DYNC1LI1: variants seen among roughly 807,000 people sequenced by gnomAD.
DYNC1LI1 encodes dynein cytoplasmic 1 light intermediate chain 1, also known as cytoplasmic dynein 1 light intermediate chain 1.
DYNC1LI1 carries 19 observed loss-of-function variants against 63.8 expected under a neutral mutation model. The ratio of observed to expected loss-of-function variants is 0.30; its 90% CI spans 0.21 to 0.44. The LOEUF (loss-of-function observed/expected upper bound fraction) is 0.44. Ranked by LOEUF, DYNC1LI1 falls within the 20% of genes least tolerant of loss-of-function variation. The probability of loss-of-function intolerance (pLI) is 1.00; values close to 1 mark genes in which losing one functional copy is unlikely to be tolerated. For missense variants in DYNC1LI1, 565 were observed against 630.2 expected, an observed-to-expected ratio of 0.90 and a Z score of 1.11; for synonymous variants, 225 against 232.3, an observed-to-expected ratio of 0.97 and a Z score of 0.28.
At chr3:32,540,410 T>C (rs1278993379) in intron 5 of DYNC1LI1, among the ~76,000 whole-genome samples, 1 of 151,910 alleles carries the variant, frequency 6.6e-6, no homozygotes. Context: ...CTGGGCACAG[T>C]GGCTCACACC....
intron 2 of DYNC1LI1, among the ~76,000 whole-genome samples, chr3:32,547,290 G>A (rs976306176): frequency 2.6e-5 from 4 of 152,014 alleles, no homozygotes; most frequent in Non-Finnish European, 5.9e-5. Flanking sequence ...GTTTTGGTGA[G>A]GGCTTTTTAA....
At position 32,528,112 on chromosome 3, in the gene DYNC1LI1, C is replaced by CAAAAAAAAAAAAAAAAAA. The variant is rs60912161; in HGVS notation, c.1462+316_1462+333dup. Reference sequence around the variant, plus strand: ...TGGGCAACAGAACAAGACTCCATCTCAAAAAAAAAAAAAAAAAAAAAAAAA... The same window carrying CAAAAAAAAAAAAAAAAAA: ...TGGGCAACAGAACAAGACTCCATCTCAAAAAAAAAAAAAAAAAAAAAAAAAAAAAAAAAAAAAAAAAAA... On this transcript the variant is annotated intron_variant, in intron 12 of 12. Transcript: ENST00000273130. Among the ~76,000 whole-genome samples, 17 of 29,898 alleles carry CAAAAAAAAAAAAAAAAAA rather than the reference C, an allele frequency of 5.7e-4. 3 individuals are homozygous for CAAAAAAAAAAAAAAAAAA. The highest frequency in any genetic ancestry group is 1.6e-3 in the South Asian group (1 of 630). 19.6% of individuals were successfully genotyped at this position (29,898 alleles called of 152,430 possible).
chr3:32,567,381 A>G (rs1698281321), intron 2 of DYNC1LI1, among the ~76,000 whole-genome samples: 1 of 152,036 alleles, frequency 6.6e-6, no homozygotes, highest in Non-Finnish European at 1.5e-5. Context: ...TACTCCCATC[A>G]GGTTGTAGGA....
chr3:32,570,630 G>A lies in DYNC1LI1; in HGVS notation c.141C>T (p.Asn47=). 2 of 1,577,428 alleles carry A rather than the reference G, an allele frequency of 1.3e-6. No homozygotes were observed. Among genetic ancestry groups the A allele is most frequent in the Non-Finnish European group, 1.7e-6 (2 of 1,161,918 alleles). ...AAAGDDEDGQ[N]LWSCILSEVS... is the part of the protein sequence containing the mutation. ...GGGAGAGGTGGAGTCGTTACCAAAGGTTCTGCCCGTCCTCGTCGTCGCCTG... is the reference window on the plus strand; with the variant it reads ...GGGAGAGGTGGAGTCGTTACCAAAGATTCTGCCCGTCCTCGTCGTCGCCTG... The change falls in exon 1 of 13, where the codon AAC becomes AAT. Residue 47 remains asparagine, a synonymous_variant. Transcript: ENST00000273130.
At chr3:32,562,935 C>G (rs62252804) in intron 2 of DYNC1LI1, among the ~76,000 whole-genome samples, 21,860 of 152,090 alleles carry the variant, frequency 0.14, 1,752 homozygotes, top group Middle Eastern at 0.22. Flanking sequence ...AGGCCCTTTT[C>G]ACAGGTTGTT....
intron 2 of DYNC1LI1, among the ~76,000 whole-genome samples, chr3:32,555,117 G>A (rs936774821): frequency 1.3e-5 from 2 of 152,072 alleles, no homozygotes; most frequent in Non-Finnish European, 2.9e-5. Flanking sequence ...TGATCTGCCC[G>A]CCTCAGCCTC....
intron 5 of DYNC1LI1, among the ~76,000 whole-genome samples, chr3:32,538,311 A>C (rs539974677): frequency 2.0e-5 from 3 of 150,848 alleles, no homozygotes; most frequent in African/African-American, 7.3e-5. Context: ...TGCCCATTTT[A>C]TCAAATACTG....
intron 2 of DYNC1LI1, among the ~76,000 whole-genome samples, chr3:32,556,655 C>T (rs1054204202): frequency 1.3e-5 from 2 of 152,174 alleles, no homozygotes; most frequent in African/African-American, 4.8e-5. Context: ...AGCAATCCCT[C>T]CACCTCAGCT....
chr3:32,537,174 T>A, intron 5 of DYNC1LI1, 70 bp from the exon 6 acceptor site: 1 of 848,084 alleles, frequency 1.2e-6, no homozygotes, highest in Middle Eastern at 3.6e-4. Flanking sequence ...ATTTAAACAG[T>A]TCAATTCTGG....
intron 2 of DYNC1LI1, among the ~76,000 whole-genome samples, chr3:32,552,153 A>G (rs1698051520): frequency 1.3e-5 from 2 of 152,142 alleles, no homozygotes; most frequent in African/African-American, 4.8e-5. Flanking sequence ...CCTAGAACAA[A>G]GTTCCTTCAG....
chr3:32,566,236 C>T (rs984839757), intron 2 of DYNC1LI1, among the ~76,000 whole-genome samples: 9 of 151,978 alleles, frequency 5.9e-5, no homozygotes, highest in South Asian at 2.1e-4. Context: ...TATGCCACTA[C>T]GCTCCAGCCT....
chr3:32,532,047 C>G (rs1181454517), intron 8 of DYNC1LI1: 1 of 152,136 alleles, frequency 6.6e-6, no homozygotes, highest in African/African-American at 2.4e-5. Context: ...TATGCAAATA[C>G]TCATTTTTAT....
At chr3:32,551,367 T>C (rs1698036156) in intron 2 of DYNC1LI1, among the ~76,000 whole-genome samples, 1 of 152,064 alleles carries the variant, frequency 6.6e-6, no homozygotes, top group Non-Finnish European at 1.5e-5. Flanking sequence ...AGCATCCTTC[T>C]AGGAAGGACA....
intron 4 of DYNC1LI1, among the ~76,000 whole-genome samples, chr3:32,541,747 G>A (rs1559437941): frequency 1.3e-5 from 2 of 152,080 alleles, no homozygotes; most frequent in Non-Finnish European, 2.9e-5. Context: ...TATTTGCAAG[G>A]TTGTCAAAAC....
At position 32,570,796 on chromosome 3, in the gene DYNC1LI1, G is replaced by C. The variant is rs750243277; in HGVS notation, c.-26C>G. The C allele has an allele frequency of 4.4e-6, 7 of 1,595,258 alleles. No homozygotes were observed. Among genetic ancestry groups the C allele is most frequent in the African/African-American group, 2.7e-5 (2 of 73,438 alleles). ...CTTGGTCGGGAATCACACCACTCCC[G>C]GCAAGACTAAATGTGCGAGGCGGCT... On this transcript the variant is annotated 5_prime_UTR_variant, in exon 1 of 13. Coordinates refer to ENST00000273130, the MANE Select transcript of DYNC1LI1 (RefSeq NM_016141.4).
At chr3:32,556,389 C>A (rs9857619) in intron 2 of DYNC1LI1, among the ~76,000 whole-genome samples, 1 of 152,188 alleles carries the variant, frequency 6.6e-6, no homozygotes, top group Non-Finnish European at 1.5e-5. Context: ...CCACATTCAA[C>A]GAATACTCTT....
intron 7 of DYNC1LI1, among the ~76,000 whole-genome samples, chr3:32,533,505 C>T (rs1216145188): frequency 2.6e-5 from 4 of 151,174 alleles, no homozygotes; most frequent in African/African-American, 9.7e-5. Context: ...TTAAAAATGT[C>T]ATTAGTGTTA....
At chr3:32,566,887 C>A (rs1429991385) in intron 2 of DYNC1LI1, among the ~76,000 whole-genome samples, 1 of 152,150 alleles carries the variant, frequency 6.6e-6, no homozygotes, top group Non-Finnish European at 1.5e-5. Flanking sequence ...AGAAGTCCTA[C>A]CTTTATTAAA....
Position 32,570,379 on chromosome 3 carries a change from T to G in DYNC1LI1, c.187A>C (p.Lys63Gln), listed in dbSNP as rs2125448628. ...AGCACGTTCTTCCCCGCAGGGAGCT[T>G]GGAGCGCGAGCGGGTGGAGACCTCG... is the stretch of plus-strand genomic sequence containing the variant. ...LSEVSTRSRS[K>Q]LPAGKNVLLL... The change falls in exon 2 of 13, where the codon AAG becomes CAG. Residue 63 changes from lysine (K) to glutamine (Q), a missense_variant. By Grantham distance (53) the Lys-to-Gln change is moderately conservative. Coordinates refer to ENST00000273130, the MANE Select transcript of DYNC1LI1 (RefSeq NM_016141.4). 6.2e-7 allele frequency: 1 copy of G among 1,606,252 alleles called. No individual in the cohort carries two copies. Among genetic ancestry groups the G allele is most frequent in the East Asian group, 2.2e-5 (1 of 44,596 alleles).
Sources: gnomAD v4.1 joint callset for allele counts (sites outside exome capture counted in the v4.1 genomes callset) on GRCh38, gnomAD v4.1.1 for gene constraint, MANE v1.5 for transcripts, NCBI Gene and HGNC (gene_info 2026-07-23, HGNC 2026-07-21) for gene names.